Variants in TBC1D8 observed in about 807,000 individuals in gnomAD.
The protein encoded by TBC1D8 is BUB2-like protein 1.
TBC1D8 carries 65 observed loss-of-function variants against 118.8 expected under a neutral mutation model. The ratio of observed to expected loss-of-function variants is 0.55; its 90% CI spans 0.45 to 0.67. TBC1D8 has a LOEUF of 0.67. Among genes scored for constraint, TBC1D8 ranks in the 30% least tolerant of loss-of-function variants. TBC1D8 has a pLI of 0.00. For missense variants in TBC1D8, 1,376 were observed against 1,471.2 expected (o/e 0.94, Z 1.06); for synonymous variants, 566 against 595.8 (o/e 0.95, Z 0.73).
chr2:101,027,478 C>G, intron 14 of TBC1D8, 27 bp from the exon 15 acceptor site: 1 of 1,609,634 alleles, frequency 6.2e-7, no homozygotes. Context: ...ACAGCAATGG[C>G]GTGAAATCTA....
At chr2:101,110,887 T>A (rs1228006149) in intron 1 of TBC1D8, among the ~76,000 whole-genome samples, 1 of 148,446 alleles carries the variant, frequency 6.7e-6, no homozygotes, top group Non-Finnish European at 1.5e-5. Flanking sequence ...GGCTGGAGAA[T>A]CACTTGAACT....
chr2:101,093,681 C>T (rs1174923418), intron 1 of TBC1D8, among the ~76,000 whole-genome samples: 1 of 151,858 alleles, frequency 6.6e-6, no homozygotes, highest in Non-Finnish European at 1.5e-5. Flanking sequence ...CACCACTGCA[C>T]TTCAGCCTGG....
chr2:101,122,454 G>A (rs1574064585), intron 1 of TBC1D8, among the ~76,000 whole-genome samples: 1 of 147,764 alleles, frequency 6.8e-6, no homozygotes, highest in African/African-American at 2.5e-5. Context: ...GGTTAACTGT[G>A]GGATTATGAG....
chr2:101,029,428 T>G lies in TBC1D8; in HGVS notation c.2222+63A>C, dbSNP rs530647929. Reference sequence around the variant, plus strand: ...AAAAAAACTTCCCCACCGATAGCCCTGCTGGGCACGTGCTGCTGCCTCCTC... The same window carrying G: ...AAAAAAACTTCCCCACCGATAGCCCGGCTGGGCACGTGCTGCTGCCTCCTC... On this transcript the variant is annotated intron_variant, in intron 12 of 19. Coordinates refer to ENST00000409318, the MANE Select transcript of TBC1D8 (RefSeq NM_001330348.2). The G allele has an allele frequency of 2.6e-6, 4 of 1,527,634 alleles. No individual in the cohort carries two copies. In the Admixed American group the frequency reaches 7.5e-5, roughly 29 times the overall value. 94.6% of individuals were successfully genotyped at this position (1,527,634 alleles called of 1,614,324 possible).
intron 2 of TBC1D8, among the ~76,000 whole-genome samples, chr2:101,069,469 C>T (rs1047987240): frequency 2.0e-5 from 3 of 152,000 alleles, no homozygotes; most frequent in Non-Finnish European, 4.4e-5. Flanking sequence ...GCCTGTAATC[C>T]CAGCTACTCA....
intron 2 of TBC1D8, among the ~76,000 whole-genome samples, chr2:101,068,047 T>C (rs1369890720): frequency 6.6e-6 from 1 of 152,168 alleles, no homozygotes; most frequent in Non-Finnish European, 1.5e-5. Flanking sequence ...TTTAATGAGA[T>C]TGCAGCAATT....
chr2:101,067,328 C>T (rs1293288482), intron 2 of TBC1D8, among the ~76,000 whole-genome samples: 1 of 152,166 alleles, frequency 6.6e-6, no homozygotes, highest in African/African-American at 2.4e-5. Context: ...TCTTCAAGAG[C>T]AGTGGTGACA....
At chr2:101,098,882 T>C (rs937002557) in intron 1 of TBC1D8, among the ~76,000 whole-genome samples, 2 of 152,138 alleles carry the variant, frequency 1.3e-5, no homozygotes, top group Non-Finnish European at 2.9e-5. Context: ...GGGAAATTTA[T>C]AGCACTTAAT....
At chr2:101,052,147 TG>T (rs1432552202) in intron 4 of TBC1D8, among the ~76,000 whole-genome samples, 1 of 152,238 alleles carries the variant, frequency 6.6e-6, no homozygotes, top group Admixed American at 6.5e-5. Context: ...AAAAGAGGTG[TG>T]TAAATGAGGA....
Position 101,036,017 on chromosome 2 carries a change from C to A in TBC1D8, c.1603+1G>T. On this transcript the variant is annotated splice_donor_variant, in intron 9 of 19. Coordinates refer to ENST00000409318, the MANE Select transcript of TBC1D8 (RefSeq NM_001330348.2). LOFTEE classifies it high-confidence loss of function. The stretch of plus-strand genomic sequence containing the variant: ...AGCTTCGAGACACCAAGAGCGCTTA[C>A]CTGAGAAGAGAAGCCAGAGTCTCCC... 1 of 1,613,932 alleles carries A rather than the reference C, an allele frequency of 6.2e-7. No individual in the cohort carries two copies. Among genetic ancestry groups the A allele is most frequent in the Non-Finnish European group, 8.5e-7 (1 of 1,179,860 alleles).
intron 11 of TBC1D8, 100 bp downstream of exon 11, chr2:101,032,168 G>T: frequency 9.3e-7 from 1 of 1,080,486 alleles, no homozygotes; most frequent in Non-Finnish European, 1.4e-6. Context: ...CTAGCTGAGT[G>T]GCACTGAGAG....
At chr2:101,112,839 T>C (rs1677666000) in intron 1 of TBC1D8, among the ~76,000 whole-genome samples, 1 of 152,208 alleles carries the variant, frequency 6.6e-6, no homozygotes, top group Admixed American at 6.6e-5. Flanking sequence ...TGACACTATG[T>C]TGTAATCAAA....
intron 5 of TBC1D8, among the ~76,000 whole-genome samples, chr2:101,048,735 C>CT (rs60788024): frequency 0.27 from 40,154 of 147,616 alleles, 6,166 homozygotes; most frequent in Non-Finnish European, 0.35. Flanking sequence ...AATAATAAGT[C>CT]TTTTTAAAAA....
At position 101,040,217 on chromosome 2, in the gene TBC1D8, T is replaced by C. The variant is rs1361081920; in HGVS notation, c.1041A>G (p.Arg347=). Residue 347 remains arginine, a synonymous_variant, in exon 6 of 20, where the codon AGA becomes AGG. Transcript: ENST00000409318. The part of the protein sequence containing the change: ...ASDSYICFAS[R]EDGCCKIILP... ...GGATGATCTTACAGCAGCCATCTTC[T>C]CTGCTGGCAAAGCAGATGTAGCTGT... 6.2e-7 allele frequency: 1 copy of C among 1,614,042 alleles called. No homozygotes were observed. Among genetic ancestry groups the C allele is most frequent in the Non-Finnish European group, 8.5e-7 (1 of 1,179,898 alleles).
At chr2:101,066,985 C>CA (rs1285193680) in intron 2 of TBC1D8, among the ~76,000 whole-genome samples, 1 of 148,940 alleles carries the variant, frequency 6.7e-6, no homozygotes, top group Non-Finnish European at 1.5e-5. Context: ...GTTATACTGA[C>CA]ACTATACTGT....
intron 2 of TBC1D8, among the ~76,000 whole-genome samples, chr2:101,087,343 A>C (rs1230439762): frequency 6.6e-6 from 1 of 151,642 alleles, no homozygotes; most frequent in Non-Finnish European, 1.5e-5. Context: ...GAGATAAAAT[A>C]CTCTGGATTG....
intron 1 of TBC1D8, chr2:101,110,035 C>T: frequency 1.0e-6 from 1 of 984,736 alleles, no homozygotes; most frequent in Non-Finnish European, 1.2e-6. Flanking sequence ...GCGAGCACAA[C>T]ACTCCTATTT....
chr2:101,038,325 T>G, intron 7 of TBC1D8, 136 bp downstream of exon 7: 1 of 1,046,994 alleles, frequency 9.6e-7, no homozygotes, highest in Non-Finnish European at 1.4e-6. Context: ...AGCCGGCACA[T>G]CAGAAATGAC....
At chr2:101,090,476 G>C in intron 1 of TBC1D8, 112 bp from the exon 2 acceptor site, 2 of 1,146,466 alleles carry the variant, frequency 1.7e-6, no homozygotes, top group Non-Finnish European at 2.5e-6. Context: ...AGCAGAGACA[G>C]TTTTACATCC....
Sources: allele counts gnomAD v4.1 joint callset (sites outside exome capture counted in the v4.1 genomes callset), GRCh38; gene constraint gnomAD v4.1.1; transcripts MANE v1.5; gene names NCBI Gene and HGNC (gene_info 2026-07-23, HGNC 2026-07-21).